CAMK2D: variants seen among roughly 807,000 people sequenced by gnomAD.
CAMK2D encodes the protein calcium/calmodulin-dependent protein kinase type II subunit delta.
A neutral mutation model predicts 84.0 loss-of-function variants in CAMK2D; 37 were observed. The ratio of observed to expected loss-of-function variants is 0.44; its 90% confidence interval spans 0.34 to 0.58. CAMK2D has a LOEUF of 0.58. Ranked by LOEUF, CAMK2D falls within the 20% of genes least tolerant of loss-of-function variation. The pLI, the probability that CAMK2D is intolerant of heterozygous loss-of-function variation, is 0.02. For missense variants in CAMK2D, 448 were observed against 652.5 expected (o/e 0.69, Z 3.41); for synonymous variants, 202 against 212.5 (o/e 0.95, Z 0.43).
At chr4:113,513,464 C>A in intron 11 of CAMK2D, 94 bp from the exon 12 acceptor site, 1 of 860,516 alleles carries the variant, frequency 1.2e-6, no homozygotes, top group Non-Finnish European at 2.0e-6. Flanking sequence ...CTTTTCCTGG[C>A]CCTACTTTCA....
At chr4:113,520,432 A>G (rs746495321) in intron 8 of CAMK2D, among the ~76,000 whole-genome samples, 1 of 151,988 alleles carries the variant, frequency 6.6e-6, no homozygotes, top group Non-Finnish European at 1.5e-5. Flanking sequence ...AAATAAAATA[A>G]AATAAAATAA....
At chr4:113,554,154 C>G (rs536888891) in intron 4 of CAMK2D, among the ~76,000 whole-genome samples, 1 of 152,172 alleles carries the variant, frequency 6.6e-6, no homozygotes, top group Admixed American at 6.5e-5. Context: ...TCACTGGGCT[C>G]TCAACTTACT....
intron 4 of CAMK2D, among the ~76,000 whole-genome samples, chr4:113,576,193 G>A (rs1342076516): frequency 4.6e-5 from 7 of 151,900 alleles, no homozygotes; most frequent in African/African-American, 7.3e-5. Flanking sequence ...GAGCTGCCAC[G>A]CCTGGCCCCT....
intron 3 of CAMK2D, among the ~76,000 whole-genome samples, chr4:113,609,557 T>C (rs1380527888): frequency 6.6e-6 from 1 of 152,212 alleles, no homozygotes; most frequent in Non-Finnish European, 1.5e-5. Context: ...TATATATCCA[T>C]ATACTCAAAG....
intron 8 of CAMK2D, among the ~76,000 whole-genome samples, chr4:113,529,742 C>G (rs367613588): frequency 6.6e-6 from 1 of 152,198 alleles, no homozygotes. Context: ...AATCAGACTT[C>G]TGTCCCCTCG....
chr4:113,505,932 T>TAATC (rs1056863953), intron 13 of CAMK2D, among the ~76,000 whole-genome samples: 1 of 152,116 alleles, frequency 6.6e-6, no homozygotes. Flanking sequence ...TGAAAAATAA[T>TAATC]AATCAATCAA....
At chr4:113,738,034 C>A (rs2148880713) in intron 2 of CAMK2D, among the ~76,000 whole-genome samples, 1 of 152,176 alleles carries the variant, frequency 6.6e-6, no homozygotes, top group Admixed American at 6.5e-5. Flanking sequence ...CATTATTTCT[C>A]ACAACCTCAA....
chr4:113,501,798 C>A (rs1233425848), intron 15 of CAMK2D, among the ~76,000 whole-genome samples: 1 of 152,052 alleles, frequency 6.6e-6, no homozygotes, highest in East Asian at 1.9e-4. Context: ...TCCATTCCAG[C>A]TGTTATGCTT....
intron 6 of CAMK2D, among the ~76,000 whole-genome samples, chr4:113,539,820 G>A (rs1030824363): frequency 1.3e-5 from 2 of 151,962 alleles, no homozygotes; most frequent in Non-Finnish European, 2.9e-5. Flanking sequence ...ATATCTTTAG[G>A]CAAACCTAAA....
At chr4:113,489,484 T>C (rs997786676) in intron 16 of CAMK2D, among the ~76,000 whole-genome samples, 10 of 152,098 alleles carry the variant, frequency 6.6e-5, no homozygotes, top group African/African-American at 1.9e-4. Context: ...CATTTTTTTA[T>C]GGCTGCAAAG....
At chr4:113,487,502 A>G (rs1260344691) in intron 16 of CAMK2D, among the ~76,000 whole-genome samples, 1 of 152,096 alleles carries the variant, frequency 6.6e-6, no homozygotes, top group Non-Finnish European at 1.5e-5. Flanking sequence ...AAACATAGCA[A>G]ATAATTAGGA....
chr4:113,549,805 GATTT>G (rs1591080169), intron 5 of CAMK2D, among the ~76,000 whole-genome samples: 1 of 152,004 alleles, frequency 6.6e-6, no homozygotes, highest in South Asian at 2.1e-4. Flanking sequence ...ATCACCATCT[GATTT>G]ATTACAATGT....
At chr4:113,707,715 T>C (rs2099465469) in intron 2 of CAMK2D, among the ~76,000 whole-genome samples, 1 of 152,156 alleles carries the variant, frequency 6.6e-6, no homozygotes, top group Non-Finnish European at 1.5e-5. Flanking sequence ...TTACTCCAAA[T>C]GATAGGGGGC....
At chr4:113,484,972 A>C (rs1022291497) in intron 16 of CAMK2D, among the ~76,000 whole-genome samples, 2 of 152,112 alleles carry the variant, frequency 1.3e-5, no homozygotes, top group African/African-American at 4.8e-5. Flanking sequence ...TTAAATGCAT[A>C]CGATATAATA....
chr4:113,483,906 T>C (rs1314326135), intron 16 of CAMK2D, among the ~76,000 whole-genome samples: 1 of 151,950 alleles, frequency 6.6e-6, no homozygotes, highest in African/African-American at 2.4e-5. Context: ...GAAAAAGGGG[T>C]GCATCTATGA....
At chr4:113,511,188 C>T (rs1294535042) in intron 12 of CAMK2D, among the ~76,000 whole-genome samples, 5 of 152,146 alleles carry the variant, frequency 3.3e-5, no homozygotes, top group South Asian at 4.2e-4. Context: ...GGATAAATTA[C>T]TTTAAAGAGC....
chr4:113,680,143 T>A (rs1023056549), intron 2 of CAMK2D, among the ~76,000 whole-genome samples: 1 of 152,170 alleles, frequency 6.6e-6, no homozygotes, highest in Non-Finnish European at 1.5e-5. Flanking sequence ...TTTCACATTA[T>A]TTAAGTTCTT....
In CAMK2D at chr4:113,565,650, C is replaced by CAA. The variant is rs1299833681; in HGVS notation, c.276-13556_276-13555dup. Among the ~76,000 whole-genome samples the CAA allele has an allele frequency of 8.8e-3, 707 of 80,600 alleles. 9 individuals carry two copies. Among genetic ancestry groups the CAA allele is most frequent in the African/African-American group, 0.027 (634 of 23,790 alleles). 52.9% of individuals were successfully genotyped at this position (80,600 alleles called of 152,430 possible). A position where few individuals can be genotyped will look rare whatever the true frequency, so the allele number is the denominator to read the frequency against. ...TGGGAGACACAGTGAGACTCTGTCT[C>CAA]AAAAAAAAAAAAAAAAGAAGTCACA... On this transcript the variant is annotated intron_variant, in intron 4 of 20. Coordinates refer to ENST00000511664, the MANE Select transcript of CAMK2D (RefSeq NM_001321571.2).
intron 2 of CAMK2D, among the ~76,000 whole-genome samples, chr4:113,665,714 T>C (rs2099254656): frequency 6.6e-6 from 1 of 152,252 alleles, no homozygotes. Context: ...TTTGGCCTTA[T>C]TATTCCTTTG....
Sources: gnomAD v4.1 joint callset for allele counts (sites outside exome capture counted in the v4.1 genomes callset) on GRCh38, gnomAD v4.1.1 for gene constraint, MANE v1.5 for transcripts, NCBI Gene and HGNC (gene_info 2026-07-23, HGNC 2026-07-21) for gene names.